GMEB1: variants seen among roughly 807,000 people sequenced by gnomAD.
GMEB1 encodes the protein glucocorticoid modulatory element binding protein 1, also known as glucocorticoid modulatory element-binding protein 1.
Under a neutral mutation model 52.4 loss-of-function variants are expected in GMEB1, and 6 were observed. The ratio of observed to expected loss-of-function variants is 0.11; its 90% CI spans 0.06 to 0.23. The LOEUF is 0.23. Ranked by LOEUF, GMEB1 falls within the 10% of genes least tolerant of loss-of-function variation. The pLI, the probability that GMEB1 is intolerant of heterozygous loss-of-function variation, is 1.00. For synonymous variants in GMEB1, 255 were observed against 244.9 expected (o/e 1.04, Z -0.38); for missense variants, 486 against 685.6 (o/e 0.71, Z 3.25).
chr1:28,700,383 G>A (rs1434749338), intron 6 of GMEB1, among the ~76,000 whole-genome samples: 3 of 151,802 alleles, frequency 2.0e-5, no homozygotes, highest in Non-Finnish European at 4.4e-5. Context: ...GCGTGGTGGT[G>A]AGCGCCTGTA....
At position 28,689,978 on chromosome 1, in the gene GMEB1, G is replaced by A. The variant is rs903479029; in HGVS notation, c.129-126G>A. 18 of 614,530 alleles carry A rather than the reference G, an allele frequency of 2.9e-5. No individual in the cohort carries two copies. In the African/African-American group the frequency reaches 3.0e-4, roughly 10 times the overall value. The allele number at this position is 614,530 out of a possible 1,614,324, so 38.1% of individuals were successfully genotyped here. On this transcript the variant is annotated intron_variant, in intron 2 of 9. Transcript: ENST00000373816. ...TAAATACAATGGGAAACTAGTCAGA[G>A]TTATAAAGTATATTTATTTTATTTC...
intron 3 of GMEB1, among the ~76,000 whole-genome samples, 159 bp downstream of exon 3, chr1:28,690,345 T>C (rs186656728): frequency 1.4e-3 from 216 of 152,058 alleles, no homozygotes; most frequent in African/African-American, 4.8e-3. Flanking sequence ...TTGATGGTGG[T>C]ACATCTTGAG....
rs1235169706 is a variant in GMEB1, at chr1:28,668,793, C to CGCCT, written c.-73_-70dup. The CGCCT allele has an allele frequency of 6.7e-6, 1 of 149,484 alleles. No homozygotes were observed. Among genetic ancestry groups the CGCCT allele is most frequent in the African/African-American group, 2.4e-5 (1 of 41,014 alleles). The allele number at this position is 149,484 out of a possible 1,614,324, so 9.3% of individuals were successfully genotyped here. ...GTGGCGGCCTCTGCGCATGCTCCGT[C>CGCCT]GCCTGCCCGCCCTGGCCGCTCGCCG... On this transcript the variant is annotated 5_prime_UTR_variant, in exon 1 of 10. It introduces an in-frame stop codon into an upstream open reading frame of the 5' UTR. Coordinates refer to ENST00000373816, the MANE Select transcript of GMEB1 (RefSeq NM_001319674.2).
chr1:28,713,044 G>C (rs1265106590), intron 9 of GMEB1, among the ~76,000 whole-genome samples: 2 of 150,362 alleles, frequency 1.3e-5, no homozygotes, highest in African/African-American at 4.9e-5. Flanking sequence ...TGTAGTCCCA[G>C]CTACTCAGGA....
chr1:28,675,452 G>C (rs369422764), intron 1 of GMEB1, among the ~76,000 whole-genome samples: 2 of 152,180 alleles, frequency 1.3e-5, no homozygotes, highest in African/African-American at 4.8e-5. Flanking sequence ...ACAGGCGCGG[G>C]CAGATCACTT....
At position 28,718,846 on chromosome 1, in the gene GMEB1, T is replaced by G. The variant is rs1032507818; in HGVS notation, c.*4073T>G. The G allele has an allele frequency of 6.6e-6, 1 of 151,948 alleles. No individual in the cohort carries two copies. Among genetic ancestry groups the G allele is most frequent in the East Asian group, 1.9e-4 (1 of 5,194 alleles). 9.4% of individuals were successfully genotyped at this position (151,948 alleles called of 1,614,324 possible). On this transcript the variant is annotated 3_prime_UTR_variant, in exon 10 of 10. Transcript: ENST00000373816. Reference sequence around the variant, plus strand: ...TGAAGTGCCTAACCCAGCTTAGCGGTGTAGAGGTGGGGTCAGCAAATAAGG... The same window carrying G: ...TGAAGTGCCTAACCCAGCTTAGCGGGGTAGAGGTGGGGTCAGCAAATAAGG...
In GMEB1 at chr1:28,682,619, C is replaced by CAA. The variant is rs59900537; in HGVS notation, c.-30-944_-30-943dup. Among the ~76,000 whole-genome samples, 481 of 53,418 alleles carry CAA rather than the reference C, an allele frequency of 9.0e-3. 8 individuals are homozygous for CAA. Among genetic ancestry groups the CAA allele is most frequent in the African/African-American group, 0.026 (429 of 16,336 alleles). The allele number at this position is 53,418 out of a possible 152,430, so 35.0% of individuals were successfully genotyped here. On this transcript the variant is annotated intron_variant, in intron 1 of 9. Coordinates refer to ENST00000373816, the MANE Select transcript of GMEB1 (RefSeq NM_001319674.2). ...TGGGCGACAGAGTGAGACCCTGTCTCAAAAAAAAAAAAAAAAAAAAAGTCT... is the reference window on the plus strand; with the variant it reads ...TGGGCGACAGAGTGAGACCCTGTCTCAAAAAAAAAAAAAAAAAAAAAAAGTCT...
Position 28,676,733 on chromosome 1 carries a change from AT to A in GMEB1, c.-30-6849del, listed in dbSNP as rs142493200. 4.6e-4 allele frequency among the ~76,000 whole-genome samples: 69 copies of A among 149,330 alleles called. 1 individual carries two copies. Among genetic ancestry groups the A allele is most frequent in the African/African-American group, 1.3e-3 (52 of 39,316 alleles). On this transcript the variant is annotated intron_variant, in intron 1 of 9. Transcript: ENST00000373816. ...GAGCAAGACTCCGTCTCAAAAAAAAATAAATAAATAAATAAATACAAATAAA... is the reference window on the plus strand; with the variant it reads ...GAGCAAGACTCCGTCTCAAAAAAAAAAAATAAATAAATAAATACAAATAAA...
At chr1:28,691,776 G>A (rs1201361752) in intron 4 of GMEB1, 67 bp downstream of exon 4, 3 of 674,142 alleles carry the variant, frequency 4.5e-6, no homozygotes, top group Non-Finnish European at 6.9e-6. Flanking sequence ...TGAGTTCCAT[G>A]CATCCTTTTT....
In GMEB1 at chr1:28,691,583, A is replaced by C. The variant is rs1328514414; in HGVS notation, c.212-2A>C. 2 of 1,527,754 alleles carry C rather than the reference A, an allele frequency of 1.3e-6. No individual in the cohort carries two copies. The highest frequency in any genetic ancestry group is 8.9e-7 in the Non-Finnish European group (1 of 1,124,638). 94.6% of individuals were successfully genotyped at this position (1,527,754 alleles called of 1,614,324 possible). A position where few individuals can be genotyped will look rare whatever the true frequency, so the allele number is the denominator to read the frequency against. ...AATAACTGATATTTTTTCTGTTTTC[A>C]GATACAGGCACTATAGAAGCAAATG... On this transcript the variant is annotated splice_acceptor_variant, in intron 3 of 9. Transcript: ENST00000373816. LOFTEE classifies it high-confidence loss of function.
chr1:28,687,411 G>A (rs1669731700), intron 2 of GMEB1, among the ~76,000 whole-genome samples: 1 of 127,776 alleles, frequency 7.8e-6, no homozygotes, highest in Non-Finnish European at 1.7e-5. Flanking sequence ...GGAGAATAAT[G>A]TTCTGGGAAG....
At chr1:28,702,653 A>G in intron 7 of GMEB1, 84 bp downstream of exon 7, 1 of 1,268,728 alleles carries the variant, frequency 7.9e-7, no homozygotes, top group Non-Finnish European at 1.1e-6. Flanking sequence ...AGACCTCTTA[A>G]TTACTTTCGC....
At chr1:28,668,237 T>G (rs1668692230), upstream of GMEB1, among the ~76,000 whole-genome samples, 1 of 144,244 alleles carries the variant, frequency 6.9e-6, no homozygotes, top group Non-Finnish European at 1.5e-5. Context: ...TCGTTTACAC[T>G]TCCAGCAGGG....
chr1:28,685,057 CTG>C (rs1356231192), intron 2 of GMEB1, among the ~76,000 whole-genome samples: 1 of 152,022 alleles, frequency 6.6e-6, no homozygotes. Flanking sequence ...TACCAAAAGA[CTG>C]TGTAGCTAGA....
intron 1 of GMEB1, among the ~76,000 whole-genome samples, chr1:28,671,440 C>T (rs1253106361): frequency 2.0e-5 from 3 of 152,034 alleles, no homozygotes; most frequent in Non-Finnish European, 2.9e-5. Context: ...TTCTGGCGGG[C>T]GCTGTGATTT....
At chr1:28,703,132 T>C (rs1670595108) in intron 7 of GMEB1, among the ~76,000 whole-genome samples, 1 of 152,196 alleles carries the variant, frequency 6.6e-6, no homozygotes, top group Non-Finnish European at 1.5e-5. Context: ...ATGTAGTCTA[T>C]GCTTTTCTTC....
chr1:28,680,765 A>C (rs1024695213), intron 1 of GMEB1, among the ~76,000 whole-genome samples: 1 of 151,476 alleles, frequency 6.6e-6, no homozygotes, highest in Non-Finnish European at 1.5e-5. Context: ...AATCCTTGGA[A>C]TCCTTGGCCA....
chr1:28,714,114 G>A lies in GMEB1; in HGVS notation c.1033G>A (p.Asp345Asn). Residue 345 changes from aspartate to asparagine, a missense_variant, in exon 10 of 10, where the codon GAT becomes AAT. Asp to Asn is a conservative substitution (Grantham distance 23, BLOSUM62 1). Around this residue, in one of 5 missense-constraint regions of GMEB1, gnomAD observed 200 missense variants for 253.5 expected, o/e 0.79. Coordinates refer to ENST00000373816, the MANE Select transcript of GMEB1 (RefSeq NM_001319674.2). ...GGAGGAGCAGAAGAAGCAAGGCCAG[G>A]ATCACAGGCTGAAATCTCAGACAGT... ...QLEEQKKQGQ[D>N]HRLKSQTVQN... is the part of the protein sequence containing the mutation. 2 of 1,613,472 alleles carry A rather than the reference G, an allele frequency of 1.2e-6. No homozygotes were observed. The highest frequency in any genetic ancestry group is 1.7e-6 in the Non-Finnish European group (2 of 1,179,442).
At position 28,710,588 on chromosome 1, in the gene GMEB1, A is replaced by T; in HGVS notation, c.937A>T (p.Asn313Tyr). ...GGACACAGTCAAGAAGGTTTTAGAC[A>T]ACAGAAGGAACCAAGTAGAGCAGGG... Reference protein sequence around the residue: ...LMDTVKKVLDNRRNQVEQGEE... With the variant: ...LMDTVKKVLDYRRNQVEQGEE... Residue 313 changes from asparagine (N) to tyrosine (Y), a missense_variant, in exon 9 of 10, where the codon AAC becomes TAC. Asn to Tyr is a moderately radical substitution (Grantham distance 143). Transcript: ENST00000373816. 6.2e-7 allele frequency: 1 copy of T among 1,610,638 alleles called. No homozygotes were observed.
Sources: gnomAD v4.1 joint callset for allele counts (sites outside exome capture counted in the v4.1 genomes callset) on GRCh38, gnomAD v4.1.1 for gene constraint, gnomAD v4.1.1 regional missense constraint, MANE v1.5 for transcripts, NCBI Gene and HGNC (gene_info 2026-07-23, HGNC 2026-07-21) for gene names.